The following POLR3E variants were observed in gnomAD, a reference collection of about 807,000 sequenced individuals.
POLR3E encodes the protein RNA polymerase III subunit E.
A neutral mutation model predicts 96.6 loss-of-function variants in POLR3E; 41 were observed. That is an observed-to-expected ratio of 0.42 (90% CI 0.33 to 0.55). The LOEUF (loss-of-function observed/expected upper bound fraction) is 0.55. Among genes scored for constraint, POLR3E ranks in the 20% least tolerant of loss-of-function variants. POLR3E has a pLI of 0.06. For synonymous variants in POLR3E, 396 were observed against 383.6 expected (o/e 1.03, Z -0.38); for missense variants, 849 against 952.1 (o/e 0.89, Z 1.43).
At position 22,316,692 on chromosome 16, in the gene POLR3E, A is replaced by C. The variant is rs757480641; in HGVS notation, c.728+6A>C. On this transcript the variant is annotated splice_donor_region_variant and intron_variant, in intron 10 of 20. Coordinates refer to ENST00000299853, the MANE Select transcript of POLR3E (RefSeq NM_018119.4). Reference sequence around the variant, plus strand: ...GAGCTCGTCAAGTCACCCAGGTGGGATGGGCTGGGCCAGCATGCAAACTGG... The same window carrying C: ...GAGCTCGTCAAGTCACCCAGGTGGGCTGGGCTGGGCCAGCATGCAAACTGG... The C allele has an allele frequency of 5.6e-6, 9 of 1,611,790 alleles. No individual in the cohort carries two copies.
chr16:22,299,726 C>A (rs1002214219), intron 1 of POLR3E, among the ~76,000 whole-genome samples: 1 of 151,628 alleles, frequency 6.6e-6, no homozygotes, highest in African/African-American at 2.4e-5. Context: ...GTTTTCCCCC[C>A]AGTAGAGATC....
intron 17 of POLR3E, 50 bp from the exon 18 acceptor site, chr16:22,325,711 G>T: frequency 6.6e-7 from 1 of 1,504,772 alleles, no homozygotes; most frequent in Non-Finnish European, 8.8e-7. Context: ...CTGGGCTTTT[G>T]GCTTCAGATC....
intron 20 of POLR3E, among the ~76,000 whole-genome samples, chr16:22,333,401 A>G (rs1490255612): frequency 1.3e-5 from 2 of 151,280 alleles, no homozygotes; most frequent in Non-Finnish European, 3.0e-5. Context: ...GCAGTGAGCC[A>G]AGATCATGCC....
chr16:22,310,621 T>TC (rs1567313699), intron 6 of POLR3E, among the ~76,000 whole-genome samples: 2 of 43,844 alleles, frequency 4.6e-5, no homozygotes, highest in East Asian at 1.8e-3. Context: ...TTTAAAAAGT[T>TC]TAAAAAAAAA....
At chr16:22,304,760 G>T (rs56044394) in intron 2 of POLR3E, among the ~76,000 whole-genome samples, 2 of 152,208 alleles carry the variant, frequency 1.3e-5, no homozygotes, top group Non-Finnish European at 2.9e-5. Context: ...GGCTGGTCCA[G>T]GAGGGGCAGG....
At chr16:22,320,505 C>A (rs572763823) in intron 13 of POLR3E, among the ~76,000 whole-genome samples, 2 of 152,280 alleles carry the variant, frequency 1.3e-5, no homozygotes, top group African/African-American at 4.8e-5. Context: ...AGGTGATGCA[C>A]CCATCTCGGC....
intron 2 of POLR3E, among the ~76,000 whole-genome samples, chr16:22,303,639 C>CTTT (rs58949663): frequency 0.016 from 1,776 of 114,202 alleles, 224 homozygotes; most frequent in African/African-American, 0.081. Context: ...GCAGATTTCC[C>CTTT]TTTTTTTTTT....
At position 22,309,019 on chromosome 16, in the gene POLR3E, A is replaced by G. The variant is rs754893391; in HGVS notation, c.260A>G (p.Asp87Gly). ...IALNVDGACA[D>G]ETSTYSSKLM... ...CTGAACGTGGACGGGGCCTGCGCCG[A>G]CGAGACCAGCACGTATTCCTCGTGA... The change falls in exon 5 of 21, where the codon GAC becomes GGC. Residue 87 changes from aspartate (D) to glycine (G), a missense_variant. By Grantham distance (94) the Asp-to-Gly change is moderately conservative. Transcript: ENST00000299853. 1.7e-5 allele frequency: 28 copies of G among 1,613,110 alleles called. No individual in the cohort carries two copies. Among genetic ancestry groups the G allele is most frequent in the Non-Finnish European group, 2.4e-5 (28 of 1,179,178 alleles).
chr16:22,297,845 C>T (rs921070450), intron 1 of POLR3E, among the ~76,000 whole-genome samples: 5 of 152,356 alleles, frequency 3.3e-5, no homozygotes, highest in South Asian at 2.1e-4. Flanking sequence ...AACACCTGTC[C>T]GCGCGTCGGG....
intron 17 of POLR3E, chr16:22,325,482 TGA>T (rs963648046): frequency 1.6e-6 from 1 of 609,658 alleles, no homozygotes; most frequent in African/African-American, 1.9e-5. Context: ...ATTCCAGGGC[TGA>T]GTCTGGGTTC....
rs763746754 is a variant in POLR3E, at chr16:22,308,908, G to A, written c.166-17G>A. 1.3e-6 allele frequency: 2 copies of A among 1,571,640 alleles called. No individual in the cohort carries two copies. The highest frequency in any genetic ancestry group is 2.2e-5 in the South Asian group (2 of 90,028). ...CTTGGGGTCCTCATAGCTGGTGGGG[G>A]TGCTTGGTGCCTCCAGGTAGAGCTT... is the stretch of plus-strand genomic sequence containing the variant. On this transcript the variant is annotated splice_polypyrimidine_tract_variant and intron_variant, in intron 4 of 20. Coordinates refer to ENST00000299853, the MANE Select transcript of POLR3E (RefSeq NM_018119.4).
chr16:22,297,564 G>A (rs2047918086), intron 1 of POLR3E, 27 bp downstream of exon 1: 1 of 152,456 alleles, frequency 6.6e-6, no homozygotes, highest in Non-Finnish European at 1.5e-5. Context: ...CAGTGCCCGA[G>A]CTGGGGCTTG....
Position 22,317,053 on chromosome 16 carries a change from G to A in POLR3E, c.773+14G>A. ...GGAGGAGGAGAAGTGAGTAGAGGCG[G>A]CAGGACACCCTCTCCCTTTCCGGGC... On this transcript the variant is annotated intron_variant, in intron 11 of 20. Transcript: ENST00000299853. The A allele has an allele frequency of 6.2e-7, 1 of 1,613,992 alleles. No homozygotes were observed. Among genetic ancestry groups the A allele is most frequent in the South Asian group, 1.1e-5 (1 of 91,082 alleles).
At chr16:22,310,569 G>A (rs1044648549) in intron 6 of POLR3E, among the ~76,000 whole-genome samples, 24 of 150,274 alleles carry the variant, frequency 1.6e-4, no homozygotes, top group African/African-American at 5.9e-4. Context: ...TTACAGGTGT[G>A]AGCCACCATG....
intron 14 of POLR3E, among the ~76,000 whole-genome samples, chr16:22,323,427 C>T (rs1598268108): frequency 6.6e-6 from 1 of 152,142 alleles, no homozygotes; most frequent in Non-Finnish European, 1.5e-5. Context: ...CATCACCCCA[C>T]CCATGGCCTC....
At chr16:22,304,809 C>G (rs1021808067) in intron 2 of POLR3E, among the ~76,000 whole-genome samples, 4 of 152,170 alleles carry the variant, frequency 2.6e-5, no homozygotes, top group Admixed American at 2.6e-4. Flanking sequence ...TAGGTGAGCC[C>G]TCGCCTGCCT....
In POLR3E at chr16:22,334,729, A is replaced by G. The variant is rs531960650; in HGVS notation, c.*1029A>G. ...TCAACACTCAGTTTGGACTAGCCAC[A>G]TCATAAGTGCTCCGATGCCACATGG... On this transcript the variant is annotated 3_prime_UTR_variant, in exon 21 of 21. Transcript: ENST00000299853. The G allele has an allele frequency of 6.6e-6, 1 of 152,378 alleles. No homozygotes were observed. Among genetic ancestry groups the G allele is most frequent in the East Asian group, 1.9e-4 (1 of 5,190 alleles). The allele number at this position is 152,378 out of a possible 1,614,324, so 9.4% of individuals were successfully genotyped here. A position where few individuals can be genotyped will look rare whatever the true frequency, so the allele number is the denominator to read the frequency against.
rs998878236 is a variant in POLR3E at position 22,313,644 on chromosome 16, A to G, written c.389A>G (p.His130Arg). 2.5e-6 allele frequency: 4 copies of G among 1,613,668 alleles called. No homozygotes were observed. Among genetic ancestry groups the G allele is most frequent in the Non-Finnish European group, 3.4e-6 (4 of 1,179,666 alleles). Residue 130 changes from histidine to arginine, a missense_variant, in exon 7 of 21, where the codon CAT becomes CGT. Coordinates refer to ENST00000299853, the MANE Select transcript of POLR3E (RefSeq NM_018119.4). The surrounding 1 kb of genome is among the most constrained non-coding windows in gnomAD (Gnocchi z 4.1). ...RQGELHLTPL[H>R]GILQLRPSFS... Reference sequence around the variant, plus strand: ...GGTGAGCTCCACCTGACACCTTTACATGGCATCCTGCAGCTGCGGCCCAGC... The same window carrying G: ...GGTGAGCTCCACCTGACACCTTTACGTGGCATCCTGCAGCTGCGGCCCAGC...
rs1409926936 is a variant in POLR3E at position 22,308,167 on chromosome 16, C to T, written c.107C>T (p.Ser36Leu). The change falls in exon 4 of 21, where the codon TCG becomes TTG. Residue 36 changes from serine to leucine, a missense_variant. Physicochemically the swap from Ser to Leu is moderately radical, Grantham distance 145. Transcript: ENST00000299853. ...YLFQYPVRPA[S>L]MTYDDIPHLS... Reference sequence around the variant, plus strand: ...CCCCAGTACCCTGTGCGTCCAGCCTCGATGACCTACGATGACATTCCGCAC... The same window carrying T: ...CCCCAGTACCCTGTGCGTCCAGCCTTGATGACCTACGATGACATTCCGCAC... 3.1e-6 allele frequency: 5 copies of T among 1,613,470 alleles called. No homozygotes were observed. The highest frequency in any genetic ancestry group is 4.2e-6 in the Non-Finnish European group (5 of 1,179,574).
Sources: allele counts gnomAD v4.1 joint callset (sites outside exome capture counted in the v4.1 genomes callset), GRCh38; gene constraint gnomAD v4.1.1; non-coding constraint Gnocchi (gnomAD v3.1); transcripts MANE v1.5; gene names NCBI Gene and HGNC (gene_info 2026-07-23, HGNC 2026-07-21).